KIAA0825: variants seen among roughly 807,000 people sequenced by gnomAD.
KIAA0825 encodes the protein uncharacterized protein KIAA0825.
A neutral mutation model predicts 147.6 loss-of-function variants in KIAA0825; 119 were observed. That is an observed-to-expected ratio of 0.81 (90% CI 0.69 to 0.94). The LOEUF (loss-of-function observed/expected upper bound fraction) is 0.94, where lower values mean the gene tolerates loss of function less well. Among genes scored for constraint, KIAA0825 ranks in the 40% least tolerant of loss-of-function variants. The pLI, the probability that KIAA0825 is intolerant of heterozygous loss-of-function variation, is 0.00. For synonymous variants in KIAA0825, 470 were observed against 518.1 expected, an observed-to-expected ratio of 0.91 and a Z score of 1.26; for missense variants, 1,381 against 1,472.7, an observed-to-expected ratio of 0.94 and a Z score of 1.02.
rs56785201 is a variant in KIAA0825, at chr5:94,466,736, CAAAAAAA to C, written c.1873-1684_1873-1678del. On this transcript the variant is annotated intron_variant, in intron 10 of 20. Transcript: ENST00000682413. ...TGGGTGACAGAGCGAGACTGTGTCTCAAAAAAAAAAAAAAAAAAAAAAAAAGATAAAA... is the reference window on the plus strand; with the variant it reads ...TGGGTGACAGAGCGAGACTGTGTCTCAAAAAAAAAAAAAAAAAAGATAAAA... 6.2e-3 allele frequency among the ~76,000 whole-genome samples: 378 copies of C among 61,354 alleles called. 1 individual carries two copies. The highest frequency in any genetic ancestry group is 0.026 in the African/African-American group (342 of 13,148). 40.3% of individuals were successfully genotyped at this position (61,354 alleles called of 152,430 possible).
At chr5:94,368,552 G>C (rs537338205) in intron 20 of KIAA0825, among the ~76,000 whole-genome samples, 120 of 152,310 alleles carry the variant, frequency 7.9e-4, no homozygotes, top group African/African-American at 2.6e-3. Context: ...ACACAGATTA[G>C]AGACATTCCA....
chr5:94,281,753 T>G (rs919980715), intron 20 of KIAA0825, among the ~76,000 whole-genome samples: 1 of 152,024 alleles, frequency 6.6e-6, no homozygotes, highest in Non-Finnish European at 1.5e-5. Flanking sequence ...GAGTGCAAAA[T>G]AGGCCCTGAT....
intron 20 of KIAA0825, among the ~76,000 whole-genome samples, chr5:94,299,043 G>T (rs1306959072): frequency 6.6e-6 from 1 of 151,996 alleles, no homozygotes; most frequent in East Asian, 1.9e-4. Flanking sequence ...TCAGCATATT[G>T]CACATCACCA....
intron 20 of KIAA0825, among the ~76,000 whole-genome samples, chr5:94,237,019 C>CTGAAGTA (rs1775078636): frequency 6.6e-6 from 1 of 151,410 alleles, no homozygotes; most frequent in Non-Finnish European, 1.5e-5. Context: ...GACAATATCT[C>CTGAAGTA]TGAAGTATGC....
intron 20 of KIAA0825, among the ~76,000 whole-genome samples, chr5:94,346,627 G>A (rs1216498220): frequency 6.6e-6 from 1 of 152,174 alleles, no homozygotes; most frequent in South Asian, 2.1e-4. Flanking sequence ...TTGGAGAGCC[G>A]AGCGAAATAC....
chr5:94,606,664 C>T (rs943986984), intron 1 of KIAA0825, among the ~76,000 whole-genome samples: 8 of 152,054 alleles, frequency 5.3e-5, no homozygotes, highest in South Asian at 2.1e-4. Context: ...AAACAGATAA[C>T]CTACAGAATG....
chr5:94,273,009 T>G (rs1044025670), intron 20 of KIAA0825, among the ~76,000 whole-genome samples: 13 of 152,186 alleles, frequency 8.5e-5, no homozygotes, highest in African/African-American at 3.1e-4. Flanking sequence ...ATTAATTGCT[T>G]TCTTAAATAT....
intron 20 of KIAA0825, among the ~76,000 whole-genome samples, chr5:94,346,066 T>C (rs865886850): frequency 2.6e-5 from 4 of 152,328 alleles, no homozygotes; most frequent in African/African-American, 9.6e-5. Context: ...GCCCAGGGTG[T>C]GGCACCGGGC....
At chr5:94,574,538 C>T (rs1335979994) in intron 2 of KIAA0825, among the ~76,000 whole-genome samples, 2 of 102,478 alleles carry the variant, frequency 2.0e-5, no homozygotes, top group African/African-American at 7.8e-5. Flanking sequence ...TGTAAGACTC[C>T]ATCTCAAAAA....
At chr5:94,594,587 T>C (rs1561369316) in intron 1 of KIAA0825, 1 of 695,812 alleles carries the variant, frequency 1.4e-6, no homozygotes, top group Non-Finnish European at 2.7e-6. Flanking sequence ...AAAGGATTGC[T>C]TTGGAATTTT....
chr5:94,560,442 G>A (rs1777344934), intron 2 of KIAA0825, among the ~76,000 whole-genome samples: 1 of 152,096 alleles, frequency 6.6e-6, no homozygotes, highest in Non-Finnish European at 1.5e-5. Context: ...TCTTGCCCTA[G>A]TATCTTAAAT....
intron 20 of KIAA0825, among the ~76,000 whole-genome samples, chr5:94,200,251 G>A (rs1013928765): frequency 4.6e-5 from 7 of 152,186 alleles, no homozygotes; most frequent in Non-Finnish European, 8.8e-5. Flanking sequence ...CGTGATAAGA[G>A]TGGGCTGCTC....
chr5:94,595,320 T>C (rs901761539), intron 1 of KIAA0825, among the ~76,000 whole-genome samples: 1 of 152,208 alleles, frequency 6.6e-6, no homozygotes, highest in Admixed American at 6.5e-5. Context: ...ATTCTTTACT[T>C]TTGTGCACCC....
intron 20 of KIAA0825, among the ~76,000 whole-genome samples, chr5:94,251,200 G>A (rs1308637472): frequency 6.6e-6 from 1 of 152,056 alleles, no homozygotes; most frequent in Admixed American, 6.6e-5. Flanking sequence ...AGCACACAAA[G>A]GAGTTCAGCA....
At chr5:94,447,664 C>T (rs1370358553) in intron 13 of KIAA0825, among the ~76,000 whole-genome samples, 1 of 152,078 alleles carries the variant, frequency 6.6e-6, no homozygotes, top group Non-Finnish European at 1.5e-5. Context: ...TTAAACACAT[C>T]TTGCTAAACT....
chr5:94,288,139 G>T (rs374487004), intron 20 of KIAA0825, among the ~76,000 whole-genome samples: 1 of 152,124 alleles, frequency 6.6e-6, no homozygotes, highest in Non-Finnish European at 1.5e-5. Flanking sequence ...TTGAGAGGAG[G>T]TAACTAAAAT....
At chr5:94,371,223 A>T (rs1278818220) in intron 20 of KIAA0825, among the ~76,000 whole-genome samples, 1 of 152,202 alleles carries the variant, frequency 6.6e-6, no homozygotes, top group Non-Finnish European at 1.5e-5. Context: ...GGAGAAAAAA[A>T]GCTCAGGTTT....
At chr5:94,355,141 A>G (rs889838590) in intron 20 of KIAA0825, among the ~76,000 whole-genome samples, 1 of 152,230 alleles carries the variant, frequency 6.6e-6, no homozygotes, top group African/African-American at 2.4e-5. Context: ...ATTAAGATAA[A>G]AAATTGTGGA....
At chr5:94,397,484 C>T (rs1296496101) in intron 16 of KIAA0825, among the ~76,000 whole-genome samples, 1 of 152,186 alleles carries the variant, frequency 6.6e-6, no homozygotes, top group Non-Finnish European at 1.5e-5. Flanking sequence ...CTTATAAAGA[C>T]TGTTCCAATT....
Sources: allele counts gnomAD v4.1 joint callset (sites outside exome capture counted in the v4.1 genomes callset), GRCh38; gene constraint gnomAD v4.1.1; transcripts MANE v1.5; gene names NCBI Gene and HGNC (gene_info 2026-07-23, HGNC 2026-07-21).